NIBAN1: variants seen among roughly 807,000 people sequenced by gnomAD.
NIBAN1 encodes the protein protein Niban 1.
In NIBAN1, 81 loss-of-function variants were observed where a neutral mutation model predicts 75.1. That is an observed-to-expected ratio of 1.08 (90% CI 0.90 to 1.30). The LOEUF is 1.30. NIBAN1 is among the 50% of genes most tolerant of loss of function. The pLI, the probability that NIBAN1 is intolerant of heterozygous loss-of-function variation, is 0.00. For synonymous variants in NIBAN1, 436 were observed against 424.8 expected (o/e 1.03, Z -0.32); for missense variants, 1,133 against 1,128.1 (o/e 1.00, Z -0.06).
At chr1:184,802,541 C>T (rs1654073119) in intron 12 of NIBAN1, among the ~76,000 whole-genome samples, 1 of 152,128 alleles carries the variant, frequency 6.6e-6, no homozygotes, top group African/African-American at 2.4e-5. Flanking sequence ...AAGAAATATG[C>T]CCCACAAATA....
At chr1:184,841,925 G>A (rs1655297366) in intron 5 of NIBAN1, among the ~76,000 whole-genome samples, 1 of 152,124 alleles carries the variant, frequency 6.6e-6, no homozygotes, top group African/African-American at 2.4e-5. Context: ...TGTGAGATAT[G>A]TCTTTCCCCA....
At chr1:184,870,779 G>A (rs937947247) in intron 5 of NIBAN1, among the ~76,000 whole-genome samples, 4 of 152,112 alleles carry the variant, frequency 2.6e-5, no homozygotes, top group Admixed American at 6.6e-5. Flanking sequence ...ACTCTATACC[G>A]TAACCAACCC....
At chr1:184,897,062 T>C (rs775655446) in intron 2 of NIBAN1, among the ~76,000 whole-genome samples, 13 of 152,318 alleles carry the variant, frequency 8.5e-5, no homozygotes, top group Non-Finnish European at 1.6e-4. Context: ...GGATTAATTT[T>C]TCTAATTTTG....
At chr1:184,890,850 G>A (rs1656648347) in intron 3 of NIBAN1, among the ~76,000 whole-genome samples, 1 of 152,212 alleles carries the variant, frequency 6.6e-6, no homozygotes. Flanking sequence ...TTGAGACACA[G>A]AAAAGAGGCA....
At chr1:184,830,710 A>C (rs559909482) in intron 6 of NIBAN1, among the ~76,000 whole-genome samples, 72 of 152,222 alleles carry the variant, frequency 4.7e-4, no homozygotes, top group Admixed American at 1.7e-3. Context: ...GTGGAAAAAA[A>C]AAATAGTGGG....
At position 184,795,586 on chromosome 1, in the gene NIBAN1, A is replaced by G; in HGVS notation, c.2178T>C (p.Ser726=). Residue 726 remains serine, a synonymous_variant, in exon 14 of 14, where the codon TCT becomes TCC. Coordinates refer to ENST00000367511, the MANE Select transcript of NIBAN1 (RefSeq NM_052966.4). ...TCGTATCTTCTTCCATCACTGGAGC[A>G]GAGTCCACTGGTACTTCCACGGACG... ...LTASVEVPVD[S]APVMEEDTNG... The G allele has an allele frequency of 1.2e-6, 2 of 1,614,194 alleles. No individual in the cohort carries two copies. The highest frequency in any genetic ancestry group is 1.7e-6 in the Non-Finnish European group (2 of 1,180,040).
Position 184,808,082 on chromosome 1 carries a change from T to C in NIBAN1, c.1327A>G (p.Met443Val). 6.2e-7 allele frequency: 1 copy of C among 1,613,884 alleles called. No homozygotes were observed. The highest frequency in any genetic ancestry group is 8.5e-7 in the Non-Finnish European group (1 of 1,179,846). Residue 443 changes from methionine (M) to valine (V), a missense_variant, in exon 10 of 14, where the codon ATG (methionine) becomes GTG (valine). Coordinates refer to ENST00000367511, the MANE Select transcript of NIBAN1 (RefSeq NM_052966.4). The part of the protein sequence containing the change: ...DLVVQRTQNY[M>V]QELMENAVFT... ...GCCCCTGCCACACCCACCTCCTGCA[T>C]GTAGTTCTGTGTCCTCTGAACCACC...
intron 5 of NIBAN1, among the ~76,000 whole-genome samples, chr1:184,870,788 C>T (rs1178069326): frequency 3.9e-5 from 6 of 152,140 alleles, no homozygotes; most frequent in Non-Finnish European, 8.8e-5. Flanking sequence ...CGTAACCAAC[C>T]CTCTTACTGA....
At chr1:184,824,057 T>C (rs1571494306) in intron 6 of NIBAN1, among the ~76,000 whole-genome samples, 1 of 152,124 alleles carries the variant, frequency 6.6e-6, no homozygotes, top group South Asian at 2.1e-4. Context: ...GGGCATACAG[T>C]AAAATGAAAG....
chr1:184,887,485 G>A (rs376441111), intron 4 of NIBAN1, among the ~76,000 whole-genome samples: 151 of 152,290 alleles, frequency 9.9e-4, no homozygotes, highest in Non-Finnish European at 2.0e-3. Context: ...GATCTGTCCA[G>A]TAAGATATAA....
chr1:184,894,962 C>T (rs1656761985), intron 2 of NIBAN1, among the ~76,000 whole-genome samples: 1 of 152,108 alleles, frequency 6.6e-6, no homozygotes, highest in East Asian at 1.9e-4. Flanking sequence ...TCAAAATATA[C>T]AAATGGGCCT....
intron 1 of NIBAN1, among the ~76,000 whole-genome samples, chr1:184,965,555 G>A (rs1658761379): frequency 1.3e-5 from 2 of 152,146 alleles, no homozygotes; most frequent in East Asian, 3.9e-4. Context: ...AAAACCAAAT[G>A]CCATTTATTC....
chr1:184,803,894 C>A (rs964199852), intron 11 of NIBAN1, among the ~76,000 whole-genome samples: 1 of 152,196 alleles, frequency 6.6e-6, no homozygotes, highest in African/African-American at 2.4e-5. Flanking sequence ...CCATCTCACT[C>A]TTACCTTTTA....
At chr1:184,946,728 A>G (rs1658233497) in intron 1 of NIBAN1, among the ~76,000 whole-genome samples, 1 of 152,248 alleles carries the variant, frequency 6.6e-6, no homozygotes, top group African/African-American at 2.4e-5. Context: ...GGAAGGCCAC[A>G]TTCTCCACTC....
chr1:184,899,471 T>A (rs974056500), intron 1 of NIBAN1, among the ~76,000 whole-genome samples, 162 bp from the exon 2 acceptor site: 1 of 152,114 alleles, frequency 6.6e-6, no homozygotes, highest in Non-Finnish European at 1.5e-5. Flanking sequence ...TTGCCAGTAG[T>A]CTGTCTTCCC....
intron 12 of NIBAN1, among the ~76,000 whole-genome samples, chr1:184,801,392 A>G (rs1345452306): frequency 2.0e-5 from 3 of 152,162 alleles, no homozygotes; most frequent in Admixed American, 6.5e-5. Context: ...TGCCCAGGAG[A>G]CTGGAGACTG....
chr1:184,940,009 A>G (rs1658049639), intron 1 of NIBAN1, among the ~76,000 whole-genome samples: 1 of 152,238 alleles, frequency 6.6e-6, no homozygotes, highest in East Asian at 1.9e-4. Flanking sequence ...AAAATATCCA[A>G]TAAGCAGATG....
At chr1:184,924,767 T>C (rs974972935) in intron 1 of NIBAN1, among the ~76,000 whole-genome samples, 1 of 152,168 alleles carries the variant, frequency 6.6e-6, no homozygotes, top group African/African-American at 2.4e-5. Flanking sequence ...TGGTAGGTTG[T>C]AGGTATCCAG....
chr1:184,829,290 A>G (rs958808582), intron 6 of NIBAN1, among the ~76,000 whole-genome samples: 1 of 151,950 alleles, frequency 6.6e-6, no homozygotes, highest in East Asian at 1.9e-4. Context: ...TATACCCCAC[A>G]CACATATGTG....
Sources: gnomAD v4.1 joint callset for allele counts (sites outside exome capture counted in the v4.1 genomes callset) on GRCh38, gnomAD v4.1.1 for gene constraint, MANE v1.5 for transcripts, NCBI Gene and HGNC (gene_info 2026-07-23, HGNC 2026-07-21) for gene names.